Variants in BACH2 observed in about 807,000 individuals in gnomAD.
BACH2 encodes BACH transcriptional regulator 2.
In BACH2, 5 loss-of-function variants were observed where a neutral mutation model predicts 61.8. The observed-to-expected ratio is 0.08, with a 90% CI of 0.04 to 0.17. BACH2 has a LOEUF of 0.17. BACH2 is among the 10% of genes least tolerant of loss of function. BACH2 has a pLI of 1.00. For missense variants in BACH2, 824 were observed against 1,091.1 expected (o/e 0.76, Z 3.45); for synonymous variants, 446 against 440.1 (o/e 1.01, Z -0.17).
intron 8 of BACH2, 145 bp downstream of exon 8, chr6:89,937,999 T>C: frequency 1.4e-6 from 1 of 732,444 alleles, no homozygotes; most frequent in Non-Finnish European, 2.3e-6. Flanking sequence ...AAAGCTATTA[T>C]TTCTGTTGAG....
intron 4 of BACH2, among the ~76,000 whole-genome samples, chr6:90,152,447 C>G (rs1401210150): frequency 6.6e-6 from 1 of 152,124 alleles, no homozygotes; most frequent in African/African-American, 2.4e-5. Context: ...CACAAATGTT[C>G]TAATAATCAG....
intron 5 of BACH2, among the ~76,000 whole-genome samples, chr6:90,050,652 G>T (rs1303408878): frequency 6.6e-6 from 1 of 152,084 alleles, no homozygotes; most frequent in Non-Finnish European, 1.5e-5. Context: ...TTAACATGTA[G>T]TGAGCTTATT....
chr6:90,054,662 G>C (rs1295303527), intron 5 of BACH2, among the ~76,000 whole-genome samples: 1 of 152,216 alleles, frequency 6.6e-6, no homozygotes, highest in Non-Finnish European at 1.5e-5. Flanking sequence ...TCTGAGAACG[G>C]GCATACTGCC....
At chr6:90,225,056 A>G (rs978211215) in intron 3 of BACH2, among the ~76,000 whole-genome samples, 5 of 151,054 alleles carry the variant, frequency 3.3e-5, no homozygotes, top group Non-Finnish European at 7.4e-5. Flanking sequence ...TAGAGGCTTG[A>G]AATACATCAT....
chr6:90,254,778 G>C (rs1475304481), intron 2 of BACH2, among the ~76,000 whole-genome samples: 1 of 152,108 alleles, frequency 6.6e-6, no homozygotes, highest in African/African-American at 2.4e-5. Flanking sequence ...GCTGTATAAA[G>C]AGGTCTCTTG....
intron 6 of BACH2, among the ~76,000 whole-genome samples, chr6:89,982,175 G>A (rs993497643): frequency 6.6e-6 from 1 of 152,116 alleles, no homozygotes; most frequent in Non-Finnish European, 1.5e-5. Flanking sequence ...AGTGCTGCAG[G>A]AGAATTTGTA....
intron 2 of BACH2, among the ~76,000 whole-genome samples, chr6:90,269,239 A>C (rs1771444046): frequency 1.3e-5 from 2 of 150,592 alleles, no homozygotes; most frequent in African/African-American, 4.9e-5. Flanking sequence ...CCAATATTCT[A>C]TGCTGGGGGT....
chr6:90,204,782 C>T (rs996251026), intron 4 of BACH2, among the ~76,000 whole-genome samples: 3 of 152,212 alleles, frequency 2.0e-5, no homozygotes, highest in Admixed American at 1.3e-4. Flanking sequence ...CCCTCATCCC[C>T]ACCTCCAGTC....
intron 4 of BACH2, among the ~76,000 whole-genome samples, chr6:90,140,451 T>C (rs553304514): frequency 5.9e-5 from 9 of 152,326 alleles, no homozygotes; most frequent in Admixed American, 5.2e-4. Flanking sequence ...ACTATAGTAA[T>C]AGTATTCCAT....
At chr6:90,128,347 C>T (rs1245363004) in intron 4 of BACH2, among the ~76,000 whole-genome samples, 2 of 152,114 alleles carry the variant, frequency 1.3e-5, no homozygotes, top group Non-Finnish European at 2.9e-5. Context: ...CTTTGGGAGG[C>T]CGAGGCGGGT....
intron 4 of BACH2, among the ~76,000 whole-genome samples, chr6:90,179,548 C>G (rs1425841385): frequency 6.6e-6 from 1 of 152,094 alleles, no homozygotes; most frequent in Admixed American, 6.6e-5. Context: ...AGGCTTAGTT[C>G]TGGACTGGAG....
At chr6:90,168,630 A>G (rs992619353) in intron 4 of BACH2, among the ~76,000 whole-genome samples, 2 of 152,196 alleles carry the variant, frequency 1.3e-5, no homozygotes, top group South Asian at 4.1e-4. Flanking sequence ...TCCAGGCCCA[A>G]ACAAATACCT....
chr6:90,163,984 C>T (rs1251913141), intron 4 of BACH2, among the ~76,000 whole-genome samples: 1 of 152,072 alleles, frequency 6.6e-6, no homozygotes, highest in Non-Finnish European at 1.5e-5. Context: ...AATTGACACC[C>T]TAACATCACA....
intron 1 of BACH2, among the ~76,000 whole-genome samples, chr6:90,276,014 T>C (rs1402713994): frequency 1.3e-5 from 2 of 151,180 alleles, no homozygotes; most frequent in Non-Finnish European, 2.9e-5. Flanking sequence ...TAAAGAAAAG[T>C]GTAACTTTTA....
At chr6:89,944,818 C>T (rs1584510831) in intron 7 of BACH2, among the ~76,000 whole-genome samples, 1 of 152,278 alleles carries the variant, frequency 6.6e-6, no homozygotes, top group South Asian at 2.1e-4. Flanking sequence ...AAGAAACTCT[C>T]TGTGGTGCTT....
chr6:90,138,053 A>AACACAC (rs10602894), intron 4 of BACH2, among the ~76,000 whole-genome samples: 174 of 143,662 alleles, frequency 1.2e-3, no homozygotes, highest in African/African-American at 3.5e-3. Context: ...CTAATCATAA[A>AACACAC]ACACACACAC....
chr6:89,959,991 C>T (rs889645534), intron 6 of BACH2, among the ~76,000 whole-genome samples: 5 of 152,160 alleles, frequency 3.3e-5, no homozygotes, highest in African/African-American at 1.2e-4. Context: ...CTGGAAGTGG[C>T]TGCATCCCTG....
At chr6:90,283,597 G>A (rs1221515234) in intron 1 of BACH2, among the ~76,000 whole-genome samples, 1 of 151,934 alleles carries the variant, frequency 6.6e-6, no homozygotes, top group Non-Finnish European at 1.5e-5. Flanking sequence ...GGATGGTCCC[G>A]ATCTCCTGAC....
At chr6:90,098,963 C>T (rs1262358707) in intron 4 of BACH2, among the ~76,000 whole-genome samples, 1 of 152,220 alleles carries the variant, frequency 6.6e-6, no homozygotes, top group Non-Finnish European at 1.5e-5. Context: ...TTTTGCTTTT[C>T]AATTGGCAAT....
Sources: gnomAD v4.1 joint callset for allele counts (sites outside exome capture counted in the v4.1 genomes callset) on GRCh38, gnomAD v4.1.1 for gene constraint, MANE v1.5 for transcripts, NCBI Gene and HGNC (gene_info 2026-07-23, HGNC 2026-07-21) for gene names.